The following CDC45 variants were observed in gnomAD, a reference collection of about 807,000 sequenced individuals.
CDC45 encodes the protein cell division control protein 45 homolog.
Under a neutral mutation model 77.8 loss-of-function variants are expected in CDC45, and 54 were observed. That is an observed-to-expected ratio of 0.69 (90% CI 0.56 to 0.87). The LOEUF (loss-of-function observed/expected upper bound fraction) is 0.87, where lower values mean the gene tolerates loss of function less well. Ranked by LOEUF, CDC45 falls within the 40% of genes least tolerant of loss-of-function variation. CDC45 has a pLI of 0.00. For synonymous variants in CDC45, 260 were observed against 272.1 expected (o/e 0.96, Z 0.44); for missense variants, 649 against 721.6 (o/e 0.90, Z 1.15).
At chr22:19,499,996 C>T (rs917394560) in intron 9 of CDC45, among the ~76,000 whole-genome samples, 8 of 152,244 alleles carry the variant, frequency 5.3e-5, no homozygotes, top group African/African-American at 1.9e-4. Flanking sequence ...CAATAAGGCC[C>T]ACAAGGCAGG....
At chr22:19,518,078 C>T (rs561482285) in intron 17 of CDC45, among the ~76,000 whole-genome samples, 81 of 152,368 alleles carry the variant, frequency 5.3e-4, no homozygotes, top group African/African-American at 1.8e-3. Flanking sequence ...TGGTTCACCC[C>T]GCACAGCAGC....
chr22:19,495,832 A>C, intron 6 of CDC45, 149 bp from the exon 7 acceptor site: 3 of 709,388 alleles, frequency 4.2e-6, no homozygotes, highest in Non-Finnish European at 7.6e-6. Flanking sequence ...AACAAAAAAG[A>C]AAAAACCAAG....
intron 9 of CDC45, among the ~76,000 whole-genome samples, chr22:19,503,744 A>G (rs182349115): frequency 6.6e-6 from 1 of 152,168 alleles, no homozygotes; most frequent in South Asian, 2.1e-4. Flanking sequence ...CCTTCCTATT[A>G]TTAGGGAGGG....
chr22:19,508,471 CTGGCAGTGAGAGCT>C, intron 12 of CDC45, 45 bp from the exon 13 acceptor site: 1 of 1,581,288 alleles, frequency 6.3e-7, no homozygotes, highest in Non-Finnish European at 8.7e-7. Context: ...GTTGGCCTGC[CTGGCAGTGAGAGCT>C]TGCCCACAAT....
chr22:19,479,965 G>C lies in CDC45; in HGVS notation c.-4G>C. The C allele has an allele frequency of 6.2e-7, 1 of 1,613,426 alleles. No homozygotes were observed. The highest frequency in any genetic ancestry group is 8.5e-7 in the Non-Finnish European group (1 of 1,180,024). Reference sequence around the variant, plus strand: ...CGAGCGCCAGGCGTCCGGCCGCCGTGGCTATGTTCGTGTCCGATTTCCGCA... The same window carrying C: ...CGAGCGCCAGGCGTCCGGCCGCCGTCGCTATGTTCGTGTCCGATTTCCGCA... On this transcript the variant is annotated 5_prime_UTR_variant, in exon 1 of 19. Coordinates refer to ENST00000263201, the MANE Select transcript of CDC45 (RefSeq NM_003504.5).
intron 9 of CDC45, among the ~76,000 whole-genome samples, chr22:19,501,430 A>G (rs185720801): frequency 6.6e-6 from 1 of 152,272 alleles, no homozygotes; most frequent in Admixed American, 6.5e-5. Context: ...AGGCATTAGA[A>G]AAGTTTTCTC....
At chr22:19,506,656 C>T (rs112981785) in intron 10 of CDC45, among the ~76,000 whole-genome samples, 15 of 152,038 alleles carry the variant, frequency 9.9e-5, no homozygotes, top group South Asian at 6.2e-4. Context: ...CTGAGGAGGT[C>T]GGGCGCTGTG....
chr22:19,504,350 A>T (rs1376655316), intron 9 of CDC45, among the ~76,000 whole-genome samples: 9 of 152,188 alleles, frequency 5.9e-5, no homozygotes, highest in Admixed American at 3.9e-4. Flanking sequence ...CCCAGGCTGC[A>T]GTGCAATGGC....
chr22:19,484,519 A>G (rs574641966), intron 5 of CDC45, among the ~76,000 whole-genome samples: 3 of 152,186 alleles, frequency 2.0e-5, no homozygotes, highest in South Asian at 4.1e-4. Context: ...CCAGTGGCCT[A>G]CCCAACACTA....
intron 5 of CDC45, among the ~76,000 whole-genome samples, chr22:19,492,767 A>G (rs1320674237): frequency 1.3e-5 from 2 of 152,170 alleles, no homozygotes; most frequent in Non-Finnish European, 1.5e-5. Flanking sequence ...GGCTCAAGCA[A>G]GGAGAGTGAG....
chr22:19,505,700 C>T (rs1235404458), intron 10 of CDC45, among the ~76,000 whole-genome samples: 1 of 152,234 alleles, frequency 6.6e-6, no homozygotes, highest in Non-Finnish European at 1.5e-5. Context: ...CACCCTTCTC[C>T]AGCACATCCC....
rs564437864 is a variant in CDC45, at chr22:19,485,433, G to A, written c.486+1428G>A. On this transcript the variant is annotated intron_variant, in intron 5 of 18. Coordinates refer to ENST00000263201, the MANE Select transcript of CDC45 (RefSeq NM_003504.5). ...CAGGTATCAAACATGAGTTAGCAGG[G>A]GATGGAGCCAAGAGGATTCCTGGGC... Among the ~76,000 whole-genome samples the A allele has an allele frequency of 3.3e-5, 5 of 152,294 alleles. No homozygotes were observed. The South Asian group carries it at 1.0e-3, about 32-fold the overall frequency.
chr22:19,505,168 C>T (rs1057437764), intron 9 of CDC45, 194 bp from the exon 10 acceptor site: 9 of 618,238 alleles, frequency 1.5e-5, no homozygotes, highest in East Asian at 5.7e-5. Flanking sequence ...CCACACCCCC[C>T]CGCTCCATCC....
chr22:19,519,059 A>G (rs1933964456), intron 18 of CDC45, 150 bp downstream of exon 18: 3 of 679,812 alleles, frequency 4.4e-6, no homozygotes, highest in South Asian at 1.7e-5. Flanking sequence ...CATTTTTCCC[A>G]AGCACATCTG....
At chr22:19,498,310 CTGAG>C (rs769567153) in intron 8 of CDC45, among the ~76,000 whole-genome samples, 22 of 152,356 alleles carry the variant, frequency 1.4e-4, no homozygotes, top group Non-Finnish European at 2.9e-4. Context: ...GCCTGGGTGA[CTGAG>C]TGAGATGCTG....
At chr22:19,495,668 T>A (rs899617234) in intron 6 of CDC45, among the ~76,000 whole-genome samples, 4 of 152,108 alleles carry the variant, frequency 2.6e-5, no homozygotes, top group African/African-American at 7.2e-5. Flanking sequence ...AAAATTTTTT[T>A]AAAATTAGCT....
intron 9 of CDC45, among the ~76,000 whole-genome samples, chr22:19,501,272 G>A (rs1046264171): frequency 1.3e-5 from 2 of 152,168 alleles, no homozygotes; most frequent in Admixed American, 1.3e-4. Flanking sequence ...CCCCTTCACT[G>A]TTCGGTGGGC....
chr22:19,511,927 T>G (rs1933537810), intron 13 of CDC45, among the ~76,000 whole-genome samples: 1 of 151,138 alleles, frequency 6.6e-6, no homozygotes, highest in African/African-American at 2.4e-5. Context: ...GGTTTTTTTT[T>G]TTTTTTTTTT....
rs1028838452 is a variant in CDC45 at position 19,490,041 on chromosome 22, G to T, written c.487-4286G>T. On this transcript the variant is annotated intron_variant, in intron 5 of 18. Transcript: ENST00000263201. ...CACTTAGTGTCCCACTCTGTCTCTG[G>T]TAATTTGCTTTGCTCTGAAGTGTGA... Among the ~76,000 whole-genome samples, 6 of 152,268 alleles carry T rather than the reference G, an allele frequency of 3.9e-5. No individual in the cohort carries two copies. The East Asian group carries it at 1.2e-3, about 29-fold the overall frequency.
Sources: gnomAD v4.1 joint callset for allele counts (sites outside exome capture counted in the v4.1 genomes callset) on GRCh38, gnomAD v4.1.1 for gene constraint, MANE v1.5 for transcripts, NCBI Gene and HGNC (gene_info 2026-07-23, HGNC 2026-07-21) for gene names.